The following ANKRD30BL variants were observed in gnomAD, a reference collection of about 807,000 sequenced individuals.
ANKRD30BL encodes putative ankyrin repeat domain-containing protein 30B-like.
Under a neutral mutation model 18.4 loss-of-function variants are expected in ANKRD30BL, and 20 were observed. That is an observed-to-expected ratio of 1.09 (90% CI 0.77 to 1.58). The LOEUF is 1.58. Ranked by LOEUF, ANKRD30BL falls within the 40% of genes most tolerant of loss-of-function variation. The pLI, the probability that ANKRD30BL is intolerant of heterozygous loss-of-function variation, is 0.00. For missense variants in ANKRD30BL, 224 were observed against 268.6 expected (o/e 0.83, Z 1.16); for synonymous variants, 72 against 100.9 (o/e 0.71, Z 1.72).
At chr2:132,206,097 G>A (rs1041850531) in intron 1 of ANKRD30BL, among the ~76,000 whole-genome samples, 13 of 152,096 alleles carry the variant, frequency 8.5e-5, no homozygotes, top group African/African-American at 2.4e-4. Flanking sequence ...GGTGGAGGTC[G>A]CAGTGAGCCG....
intron 1 of ANKRD30BL, among the ~76,000 whole-genome samples, chr2:132,246,750 G>A (rs142915342): frequency 6.6e-6 from 1 of 151,294 alleles, no homozygotes; most frequent in East Asian, 1.9e-4. Context: ...CTCCTTTTGT[G>A]GAATCTGTAA....
chr2:132,222,105 C>A (rs555081299), intron 1 of ANKRD30BL, among the ~76,000 whole-genome samples: 7 of 146,370 alleles, frequency 4.8e-5, no homozygotes, highest in African/African-American at 1.6e-4. Context: ...GCCCCCCACC[C>A]GGCCAGCCGC....
chr2:132,255,888 C>T (rs74371301), intron 1 of ANKRD30BL, among the ~76,000 whole-genome samples: 1 of 152,216 alleles, frequency 6.6e-6, no homozygotes, highest in South Asian at 2.1e-4. Flanking sequence ...GCGATTGGCC[C>T]GAGGTTATCC....
chr2:132,182,524 A>T (rs1303270909), intron 1 of ANKRD30BL, among the ~76,000 whole-genome samples: 1 of 152,114 alleles, frequency 6.6e-6, no homozygotes, highest in Non-Finnish European at 1.5e-5. Context: ...TATGCAGTTC[A>T]CTTGCCTGAC....
upstream of ANKRD30BL, among the ~76,000 whole-genome samples, chr2:132,165,938 T>C (rs907539319): frequency 6.6e-6 from 1 of 152,116 alleles, no homozygotes; most frequent in Non-Finnish European, 1.5e-5. Context: ...TCATTAAGTA[T>C]GATAGTTTTA....
intron 1 of ANKRD30BL, among the ~76,000 whole-genome samples, chr2:132,210,849 C>T (rs963796318): frequency 1.9e-4 from 26 of 137,066 alleles, no homozygotes; most frequent in South Asian, 9.4e-4. Flanking sequence ...ATATTTGGAG[C>T]CCTTTGGGGC....
chr2:132,231,750 C>T (rs113175995), intron 1 of ANKRD30BL, among the ~76,000 whole-genome samples: 10,901 of 152,040 alleles, frequency 0.072, 1,277 homozygotes, highest in African/African-American at 0.25. Flanking sequence ...AAGGTGGCAG[C>T]GAGGCTGGGG....
intron 1 of ANKRD30BL, among the ~76,000 whole-genome samples, chr2:132,224,629 G>C (rs1441167297): frequency 6.6e-6 from 1 of 152,082 alleles, no homozygotes; most frequent in South Asian, 2.1e-4. Flanking sequence ...GCCTATGGTG[G>C]AAAAGGAAGT....
intron 1 of ANKRD30BL, among the ~76,000 whole-genome samples, chr2:132,194,862 T>G (rs1414087456): frequency 6.6e-6 from 1 of 152,232 alleles, no homozygotes; most frequent in Non-Finnish European, 1.5e-5. Flanking sequence ...GAAATTAATT[T>G]GGAAAAAACA....
At chr2:132,184,092 G>A (rs1228600154) in intron 1 of ANKRD30BL, among the ~76,000 whole-genome samples, 1 of 148,924 alleles carries the variant, frequency 6.7e-6, no homozygotes, top group Admixed American at 6.7e-5. Flanking sequence ...TTTTTTTTTT[G>A]AGATGAAGTC....
upstream of ANKRD30BL, among the ~76,000 whole-genome samples, chr2:132,165,646 C>T (rs1463007239): frequency 4.0e-5 from 6 of 151,762 alleles, no homozygotes; most frequent in Non-Finnish European, 8.8e-5. Context: ...TGTTTGAACC[C>T]AGGAGGTGGA....
chr2:132,151,414 G>T (rs11890402), intron 4 of ANKRD30BL, among the ~76,000 whole-genome samples: 43,987 of 151,702 alleles, frequency 0.29, 10,068 homozygotes, highest in African/African-American at 0.62. Context: ...AAAAAATGAA[G>T]CAAAAAAAAT....
intron 1 of ANKRD30BL, among the ~76,000 whole-genome samples, chr2:132,236,458 G>A (rs1680154266): frequency 6.6e-6 from 1 of 151,922 alleles, no homozygotes; most frequent in African/African-American, 2.4e-5. Flanking sequence ...TCAAAAAGTG[G>A]GCAAAGGACA....
At chr2:132,232,449 A>C (rs1033507151) in intron 1 of ANKRD30BL, among the ~76,000 whole-genome samples, 4 of 152,140 alleles carry the variant, frequency 2.6e-5, no homozygotes, top group Non-Finnish European at 5.9e-5. Flanking sequence ...AAAATTTAGA[A>C]GCACGTATAA....
chr2:132,164,269 C>CTTTTTTTTTTTTTTTTTTTTTTT (rs796313755), upstream of ANKRD30BL, among the ~76,000 whole-genome samples: 20 of 112,212 alleles, frequency 1.8e-4, 2 homozygotes, highest in East Asian at 4.0e-3. Context: ...TTTTCTTTTT[C>CTTTTTTTTTTTTTTTTTTTTTTT]TTTTTTTTTT....
At chr2:132,200,497 A>C (rs201162822) in intron 1 of ANKRD30BL, among the ~76,000 whole-genome samples, 18 of 152,152 alleles carry the variant, frequency 1.2e-4, no homozygotes, top group South Asian at 2.1e-4. Context: ...TTATACACCA[A>C]CAACAAACAA....
At chr2:132,255,868 C>A (rs1199665319) in intron 1 of ANKRD30BL, among the ~76,000 whole-genome samples, 1 of 152,120 alleles carries the variant, frequency 6.6e-6, no homozygotes, top group Non-Finnish European at 1.5e-5. Flanking sequence ...ATCGCTGCCA[C>A]GGGGGGCGTG....
At chr2:132,148,662 T>C (rs868159296) in intron 5 of ANKRD30BL, among the ~76,000 whole-genome samples, 13 of 152,198 alleles carry the variant, frequency 8.5e-5, no homozygotes, top group Middle Eastern at 3.4e-3. Flanking sequence ...GAGCCACCGC[T>C]CCTGGACACT....
intron 1 of ANKRD30BL, among the ~76,000 whole-genome samples, chr2:132,234,424 A>T (rs940286644): frequency 1.3e-5 from 2 of 151,832 alleles, no homozygotes; most frequent in African/African-American, 2.4e-5. Flanking sequence ...GATCAACAAA[A>T]TTGATAGACA....
Sources: gnomAD v4.1 joint callset for allele counts (sites outside exome capture counted in the v4.1 genomes callset) on GRCh38, gnomAD v4.1.1 for gene constraint, MANE v1.5 for transcripts, NCBI Gene and HGNC (gene_info 2026-07-23, HGNC 2026-07-21) for gene names.